The following ZNF143 variants were observed in gnomAD, a reference collection of about 807,000 sequenced individuals.
ZNF143 encodes zinc finger protein 143, also known as SPH-binding factor.
In ZNF143, 49 loss-of-function variants were observed where a neutral mutation model predicts 74.1. The observed-to-expected ratio is 0.66, with a 90% CI of 0.53 to 0.84. ZNF143 has a LOEUF of 0.84. Ranked by LOEUF, ZNF143 falls within the 40% of genes least tolerant of loss-of-function variation. ZNF143 has a pLI of 0.00. For synonymous variants in ZNF143, 304 were observed against 282.8 expected (o/e 1.07, Z -0.75); for missense variants, 637 against 793.4 (o/e 0.80, Z 2.37).
intron 7 of ZNF143, among the ~76,000 whole-genome samples, chr11:9,484,563 TATTA>T (rs1847381956): frequency 6.7e-6 from 1 of 149,374 alleles, no homozygotes; most frequent in Admixed American, 6.7e-5. Context: ...AAAAGAAAGG[TATTA>T]ATTAGATCCA....
chr11:9,480,801 C>T (rs905239695), intron 7 of ZNF143, among the ~76,000 whole-genome samples: 6 of 151,256 alleles, frequency 4.0e-5, no homozygotes, highest in Non-Finnish European at 8.8e-5. Flanking sequence ...GCAGGAGAAT[C>T]GCTTGAACCC....
chr11:9,478,398 G>T lies in ZNF143; in HGVS notation c.382G>T (p.Asp128Tyr). ...CTCTTCCACTCTCTCAGATAGTTAT[G>T]ACCAGAGTGCATTACAGGCGGTTCA... Reference protein sequence around the residue: ...FIHHTSKDSYDQSALQAVQLE... With the variant: ...FIHHTSKDSYYQSALQAVQLE... Residue 128 changes from aspartate (D) to tyrosine (Y), a missense_variant, in exon 6 of 16, where the codon GAC becomes TAC. Asp to Tyr is a radical substitution (Grantham distance 160, BLOSUM62 -3). Coordinates refer to ENST00000396602, the MANE Select transcript of ZNF143 (RefSeq NM_003442.6). 6.2e-7 allele frequency: 1 copy of T among 1,613,170 alleles called. No homozygotes were observed. Among genetic ancestry groups the T allele is most frequent in the South Asian group, 1.1e-5 (1 of 91,022 alleles).
chr11:9,471,566 A>C, intron 2 of ZNF143, 146 bp downstream of exon 2: 1 of 509,240 alleles, frequency 2.0e-6, no homozygotes, highest in Non-Finnish European at 3.3e-6. Flanking sequence ...TTTTTTTTTG[A>C]AACGGGACGG....
rs992740686 is a variant in ZNF143, at chr11:9,507,045, A to G, written c.1148-1574A>G. 3.3e-5 allele frequency among the ~76,000 whole-genome samples: 5 copies of G among 152,188 alleles called. No homozygotes were observed. In the South Asian group the frequency reaches 1.0e-3, roughly 31 times the overall value. On this transcript the variant is annotated intron_variant, in intron 11 of 15. Coordinates refer to ENST00000396602, the MANE Select transcript of ZNF143 (RefSeq NM_003442.6). The stretch of plus-strand genomic sequence containing the variant: ...CACATCTCAGCAACTATCCACCAAA[A>G]TAAGAACATTAACCTGCCTGCTTTG...
At chr11:9,506,874 G>T (rs1848383786) in intron 11 of ZNF143, among the ~76,000 whole-genome samples, 1 of 152,048 alleles carries the variant, frequency 6.6e-6, no homozygotes, top group Admixed American at 6.6e-5. Context: ...TAACTAGCCA[G>T]TAAGGGAGCT....
In ZNF143 at chr11:9,498,020, C is replaced by CG. The variant is rs1416967058; in HGVS notation, c.967+224dup. On this transcript the variant is annotated intron_variant, in intron 10 of 15. Coordinates refer to ENST00000396602, the MANE Select transcript of ZNF143 (RefSeq NM_003442.6). ...TAATTTTTTGTATTTTTAGTAGAGA[C>CG]GGGGTTTCACTGTGTTAGCCAGGAT... Among the ~76,000 whole-genome samples, 4 of 152,128 alleles carry CG rather than the reference C, an allele frequency of 2.6e-5. 1 individual carries two copies. The highest frequency in any genetic ancestry group is 9.6e-5 in the African/African-American group (4 of 41,496).
chr11:9,503,217 G>A (rs1163853641), intron 11 of ZNF143, among the ~76,000 whole-genome samples: 1 of 148,562 alleles, frequency 6.7e-6, no homozygotes, highest in Admixed American at 6.9e-5. Context: ...TCATTATATG[G>A]ATGTACTACA....
intron 11 of ZNF143, among the ~76,000 whole-genome samples, chr11:9,505,585 T>C (rs1848334635): frequency 6.6e-6 from 1 of 151,976 alleles, no homozygotes; most frequent in East Asian, 1.9e-4. Flanking sequence ...GTTCACTTAC[T>C]GTTAAATAAT....
chr11:9,466,035 T>G (rs977776460), intron 1 of ZNF143, among the ~76,000 whole-genome samples: 50 of 150,794 alleles, frequency 3.3e-4, no homozygotes, highest in Non-Finnish European at 5.8e-4. Context: ...CAGGCTGGAG[T>G]GCAGTGGCTA....
intron 1 of ZNF143, among the ~76,000 whole-genome samples, chr11:9,464,643 A>G (rs1424041774): frequency 6.6e-6 from 1 of 151,510 alleles, no homozygotes; most frequent in East Asian, 2.0e-4. Context: ...TAATTACATA[A>G]TAAGAATAAT....
At chr11:9,477,702 A>G (rs1380303985) in intron 5 of ZNF143, among the ~76,000 whole-genome samples, 1 of 152,200 alleles carries the variant, frequency 6.6e-6, no homozygotes, top group Admixed American at 6.5e-5. Flanking sequence ...TAGTGTGGAC[A>G]TTTAGAGGGG....
chr11:9,465,995 ATT>A (rs142606023), intron 1 of ZNF143, among the ~76,000 whole-genome samples: 6 of 138,186 alleles, frequency 4.3e-5, no homozygotes, highest in Admixed American at 1.5e-4. Context: ...TGTCTGGCTA[ATT>A]TTTTTTTTTT....
At chr11:9,484,785 C>T (rs1053240258) in intron 7 of ZNF143, among the ~76,000 whole-genome samples, 1 of 105,732 alleles carries the variant, frequency 9.5e-6, no homozygotes, top group Admixed American at 1.0e-4. Context: ...CGTGAGCCAC[C>T]GCACCTGGCC....
At chr11:9,505,878 CAA>C (rs1177848404) in intron 11 of ZNF143, among the ~76,000 whole-genome samples, 34 of 66,806 alleles carry the variant, frequency 5.1e-4, no homozygotes, top group South Asian at 1.1e-3. Flanking sequence ...GACTCCATAT[CAA>C]AAAAAAAAAA....
At chr11:9,502,970 A>G (rs534767264) in intron 11 of ZNF143, among the ~76,000 whole-genome samples, 4 of 152,086 alleles carry the variant, frequency 2.6e-5, no homozygotes, top group African/African-American at 4.8e-5. Context: ...AGCTGGGACT[A>G]TAGGCGCCTG....
chr11:9,472,355 C>G (rs759531175), intron 2 of ZNF143, among the ~76,000 whole-genome samples: 1 of 151,980 alleles, frequency 6.6e-6, no homozygotes, highest in African/African-American at 2.4e-5. Flanking sequence ...TGGGTTCAAG[C>G]GATTCTTCTG....
chr11:9,511,612 A>G (rs1364784549), intron 12 of ZNF143, among the ~76,000 whole-genome samples: 1 of 151,096 alleles, frequency 6.6e-6, no homozygotes, highest in Non-Finnish European at 1.5e-5. Flanking sequence ...TTGGTTTTGT[A>G]TTTTTAATAG....
chr11:9,479,888 G>A (rs117183046), intron 7 of ZNF143, among the ~76,000 whole-genome samples: 405 of 152,282 alleles, frequency 2.7e-3, no homozygotes, highest in South Asian at 8.1e-3. Context: ...CTTTTTCTGG[G>A]ACTTCATCAT....
intron 3 of ZNF143, chr11:9,473,712 C>A (rs1386094005): frequency 1.4e-6 from 2 of 1,381,470 alleles, no homozygotes; most frequent in Non-Finnish European, 2.0e-6. Context: ...TTCCTCTTGA[C>A]CTCATCTAAT....
Sources: gnomAD v4.1 joint callset for allele counts (sites outside exome capture counted in the v4.1 genomes callset) on GRCh38, gnomAD v4.1.1 for gene constraint, MANE v1.5 for transcripts, NCBI Gene and HGNC (gene_info 2026-07-23, HGNC 2026-07-21) for gene names.